Variants in CCDC148 observed in about 807,000 individuals in gnomAD.
The protein encoded by CCDC148 is coiled-coil domain containing 148.
Under a neutral mutation model 85.7 loss-of-function variants are expected in CCDC148, and 89 were observed. The observed-to-expected ratio is 1.04, with a 90% CI of 0.87 to 1.24. The LOEUF (loss-of-function observed/expected upper bound fraction) is 1.24, where lower values mean the gene tolerates loss of function less well. CCDC148 is among the 50% of genes most tolerant of loss of function. The probability of loss-of-function intolerance (pLI) is 0.00; values close to 1 mark genes in which losing one functional copy is unlikely to be tolerated. For synonymous variants in CCDC148, 230 were observed against 213.9 expected (o/e 1.08, Z -0.66); for missense variants, 692 against 671.7 (o/e 1.03, Z -0.33).
At chr2:158,173,964 C>T (rs1684446073) in intron 13 of CCDC148, among the ~76,000 whole-genome samples, 1 of 151,948 alleles carries the variant, frequency 6.6e-6, no homozygotes, top group African/African-American at 2.4e-5. Context: ...TTCCCAATTC[C>T]CTTCCCCACA....
At chr2:158,434,341 T>C (rs1233134397) in intron 1 of CCDC148, among the ~76,000 whole-genome samples, 2 of 152,150 alleles carry the variant, frequency 1.3e-5, no homozygotes, top group African/African-American at 2.4e-5. Flanking sequence ...CCTCCACTGG[T>C]GATACCCAAG....
chr2:158,425,669 A>G (rs1482527910), intron 1 of CCDC148, among the ~76,000 whole-genome samples: 4 of 152,192 alleles, frequency 2.6e-5, no homozygotes, highest in Non-Finnish European at 5.9e-5. Flanking sequence ...TGTTGTGCGG[A>G]GAGAATTGAT....
chr2:158,233,649 G>A (rs1179513861), intron 10 of CCDC148, among the ~76,000 whole-genome samples: 1 of 151,940 alleles, frequency 6.6e-6, no homozygotes, highest in Non-Finnish European at 1.5e-5. Flanking sequence ...CAAACAGTGA[G>A]CCAGTTCATT....
rs1691755122 is a variant in CCDC148, at chr2:158,307,590, A to G, written c.1110+1843T>C. 3.3e-5 allele frequency among the ~76,000 whole-genome samples: 5 copies of G among 152,240 alleles called. No homozygotes were observed. The South Asian group carries it at 1.0e-3, about 31-fold the overall frequency. On this transcript the variant is annotated intron_variant, in intron 9 of 13. Transcript: ENST00000283233. Reference sequence around the variant, plus strand: ...TAGAAATGAATGTATATGTCCAACAAAAGACATGTTCAAGAATGTTGATAG... The same window carrying G: ...TAGAAATGAATGTATATGTCCAACAGAAGACATGTTCAAGAATGTTGATAG...
chr2:158,213,553 T>G (rs544825698), intron 11 of CCDC148, among the ~76,000 whole-genome samples: 2 of 152,210 alleles, frequency 1.3e-5, no homozygotes, highest in Non-Finnish European at 2.9e-5. Flanking sequence ...ATAAGCATTT[T>G]CAAAATGTCA....
chr2:158,209,087 T>C (rs1686414421), intron 11 of CCDC148, among the ~76,000 whole-genome samples: 1 of 144,046 alleles, frequency 6.9e-6, no homozygotes, highest in South Asian at 2.2e-4. Flanking sequence ...CATACATACA[T>C]GTGTATGTAT....
intron 1 of CCDC148, among the ~76,000 whole-genome samples, chr2:158,427,511 G>C (rs185150347): frequency 8.5e-5 from 13 of 152,226 alleles, no homozygotes; most frequent in Non-Finnish European, 2.9e-5. Context: ...CTGGAGCAGA[G>C]TGTGATTTAA....
intron 2 of CCDC148, among the ~76,000 whole-genome samples, chr2:158,355,200 T>C (rs1028309057): frequency 6.6e-6 from 1 of 151,992 alleles, no homozygotes; most frequent in Non-Finnish European, 1.5e-5. Flanking sequence ...ACCACTCCTA[T>C]TCAACATAGT....
At chr2:158,386,082 G>A (rs1164591882) in intron 1 of CCDC148, among the ~76,000 whole-genome samples, 1 of 151,986 alleles carries the variant, frequency 6.6e-6, no homozygotes, top group Non-Finnish European at 1.5e-5. Context: ...GCAACAATAT[G>A]AAGCATCCTA....
At chr2:158,204,130 T>G (rs565131887) in intron 11 of CCDC148, among the ~76,000 whole-genome samples, 3 of 152,300 alleles carry the variant, frequency 2.0e-5, no homozygotes, top group Admixed American at 1.3e-4. Context: ...ATGTGCCAGA[T>G]ACAAAGGTAG....
chr2:158,314,808 TG>T (rs1275699337), intron 7 of CCDC148, among the ~76,000 whole-genome samples: 1 of 152,258 alleles, frequency 6.6e-6, no homozygotes, highest in African/African-American at 2.4e-5. Context: ...TACTTGTCAT[TG>T]TTTATTTCTA....
chr2:158,213,038 T>TG (rs912519503), intron 11 of CCDC148, among the ~76,000 whole-genome samples: 5 of 152,198 alleles, frequency 3.3e-5, no homozygotes, highest in African/African-American at 7.2e-5. Context: ...CCCAAAAATG[T>TG]GGGGGTCAGA....
At chr2:158,388,613 G>C (rs1038500189) in intron 1 of CCDC148, among the ~76,000 whole-genome samples, 21 of 152,048 alleles carry the variant, frequency 1.4e-4, no homozygotes, top group African/African-American at 5.1e-4. Context: ...TCCTGCCCCA[G>C]CCTCCCAAGT....
chr2:158,417,898 G>T (rs987381635), intron 1 of CCDC148, among the ~76,000 whole-genome samples: 4 of 152,178 alleles, frequency 2.6e-5, no homozygotes, highest in African/African-American at 7.2e-5. Flanking sequence ...GTAATTAAAA[G>T]ATGGATACTA....
intron 1 of CCDC148, among the ~76,000 whole-genome samples, chr2:158,431,491 A>ATT (rs773471376): frequency 0.16 from 24,834 of 151,156 alleles, 2,196 homozygotes; most frequent in Middle Eastern, 0.21. Context: ...TGTTTTTTAA[A>ATT]AAAAAAAAAA....
intron 9 of CCDC148, among the ~76,000 whole-genome samples, chr2:158,301,009 T>C (rs546196890): frequency 5.3e-5 from 8 of 152,142 alleles, no homozygotes; most frequent in Non-Finnish European, 1.0e-4. Context: ...CACGCACCAC[T>C]ACTCCTGGCT....
At chr2:158,448,135 C>T (rs552343603) in intron 1 of CCDC148, among the ~76,000 whole-genome samples, 1 of 152,100 alleles carries the variant, frequency 6.6e-6, no homozygotes, top group South Asian at 2.1e-4. Context: ...AAAAAAATCC[C>T]TTTCACTATT....
chr2:158,206,745 G>A (rs1391430153), intron 11 of CCDC148, among the ~76,000 whole-genome samples: 1 of 152,168 alleles, frequency 6.6e-6, no homozygotes, highest in African/African-American at 2.4e-5. Context: ...GTGAAAATAA[G>A]TCCCTGAAAA....
intron 2 of CCDC148, among the ~76,000 whole-genome samples, chr2:158,353,300 A>T (rs1164755154): frequency 7.0e-6 from 1 of 143,856 alleles, no homozygotes; most frequent in East Asian, 2.0e-4. Flanking sequence ...TAAAGAGTCA[A>T]GACCCATCAG....
Sources: gnomAD v4.1 joint callset for allele counts (sites outside exome capture counted in the v4.1 genomes callset) on GRCh38, gnomAD v4.1.1 for gene constraint, MANE v1.5 for transcripts, NCBI Gene and HGNC (gene_info 2026-07-23, HGNC 2026-07-21) for gene names.